Variants in MED16 observed in about 807,000 individuals in gnomAD.
The protein encoded by MED16 is mediator of RNA polymerase II transcription subunit 16.
Under a neutral mutation model 84.4 loss-of-function variants are expected in MED16, and 81 were observed. The ratio of observed to expected loss-of-function variants is 0.96; its 90% CI spans 0.80 to 1.15. The LOEUF is 1.15. Among genes scored for constraint, MED16 ranks in the 50% most tolerant of loss-of-function variants. The pLI, the probability that MED16 is intolerant of heterozygous loss-of-function variation, is 0.00. For synonymous variants in MED16, 897 were observed against 552.2 expected, an observed-to-expected ratio of 1.62 and a Z score of -8.76; for missense variants, 1,585 against 1,245.9, an observed-to-expected ratio of 1.27 and a Z score of -4.10.
intron 5 of MED16, 118 bp from the exon 6 acceptor site, chr19:885,126 C>A: frequency 1.4e-6 from 1 of 722,852 alleles, no homozygotes; most frequent in Non-Finnish European, 2.3e-6. Flanking sequence ...TCTTCAGCCA[C>A]GCCTGCCCCT....
intron 1 of MED16, among the ~76,000 whole-genome samples, chr19:891,586 C>A (rs1467815827): frequency 6.6e-6 from 1 of 150,462 alleles, no homozygotes; most frequent in Non-Finnish European, 1.5e-5. Flanking sequence ...GTAGCCGAGG[C>A]GGGGCTGAGT....
rs2036266715 is a variant in MED16, at chr19:877,153, T to C, written c.1381A>G (p.Met461Val). ...KLSVLRLSPS[M>V]GHPLEVGLAL... is the part of the protein sequence containing the mutation. Reference sequence around the variant, plus strand: ...AGCCCCACCTCCAGCGGGTGGCCCATGGAAGGTGAGAGGCGGAGCACGCTC... The same window carrying C: ...AGCCCCACCTCCAGCGGGTGGCCCACGGAAGGTGAGAGGCGGAGCACGCTC... Residue 461 changes from methionine (M) to valine (V), a missense_variant, in exon 9 of 16, where the codon ATG becomes GTG. Transcript: ENST00000325464. 4 of 1,611,518 alleles carry C rather than the reference T, an allele frequency of 2.5e-6. No homozygotes were observed. The highest frequency in any genetic ancestry group is 3.4e-6 in the Non-Finnish European group (4 of 1,179,552).
chr19:880,924 C>CA lies in MED16; in HGVS notation c.1141+634dup, dbSNP rs74707923. Among the ~76,000 whole-genome samples the CA allele has an allele frequency of 2.6e-3, 252 of 96,348 alleles. 1 individual carries two copies. The highest frequency in any genetic ancestry group is 3.7e-3 in the African/African-American group (95 of 25,700). 63.2% of individuals were successfully genotyped at this position (96,348 alleles called of 152,430 possible). ...TGGGCAACAGAATGAGACTCCAACT[C>CA]AAAAAAAAAAAGAAAAAAAAAAATA... On this transcript the variant is annotated intron_variant, in intron 7 of 15. Transcript: ENST00000325464.
chr19:874,573 G>A (rs546847164), intron 10 of MED16, among the ~76,000 whole-genome samples: 7 of 152,274 alleles, frequency 4.6e-5, no homozygotes, highest in Non-Finnish European at 1.5e-5. Context: ...GGAAGGAGGA[G>A]CAGACCTGCC....
intron 2 of MED16, 70 bp downstream of exon 2, chr19:890,893 G>A (rs1371044712): frequency 2.0e-6 from 3 of 1,526,642 alleles, no homozygotes. Context: ...AAGGCAGTGG[G>A]CCGGGCACCT....
chr19:881,629 G>T lies in MED16; in HGVS notation c.1071C>A (p.Pro357=). Residue 357 remains proline (P), a synonymous_variant, in exon 7 of 16, where the codon CCC becomes CCA. Coordinates refer to ENST00000325464, the MANE Select transcript of MED16 (RefSeq NM_005481.3). ...DLDRVSAVAL[P]KLPISLTNTD... is the part of the protein sequence containing the mutation. ...TGTTGGTGAGCGAGATGGGCAGCTT[G>T]GGCAGCGCCACGGCCGACACACGGT... is the stretch of plus-strand genomic sequence containing the variant. 1 of 1,612,780 alleles carries T rather than the reference G, an allele frequency of 6.2e-7. No homozygotes were observed.
intron 11 of MED16, chr19:872,879 G>A (rs2036116756): frequency 9.4e-6 from 8 of 848,646 alleles, no homozygotes; most frequent in Non-Finnish European, 1.2e-5. Context: ...TTGAGAATGG[G>A]CAGGAAGGGT....
intron 4 of MED16, among the ~76,000 whole-genome samples, chr19:887,492 C>A (rs1001464282): frequency 6.6e-6 from 1 of 151,742 alleles, no homozygotes; most frequent in Non-Finnish European, 1.5e-5. Context: ...ATAGTGAAAC[C>A]CCGTCTCTAC....
intron 13 of MED16, among the ~76,000 whole-genome samples, chr19:869,464 C>T (rs928250869): frequency 6.6e-6 from 1 of 152,142 alleles, no homozygotes; most frequent in Non-Finnish European, 1.5e-5. Flanking sequence ...TTATTCTGCT[C>T]TCATTAAATA....
chr19:884,097 C>CTGCCCCACG (rs930539989), intron 6 of MED16, among the ~76,000 whole-genome samples: 3 of 152,168 alleles, frequency 2.0e-5, no homozygotes, highest in African/African-American at 7.2e-5. Flanking sequence ...CCTGCCCCAC[C>CTGCCCCACG]TGCCCCACGT....
intron 4 of MED16, among the ~76,000 whole-genome samples, chr19:886,797 T>A (rs2036535704): frequency 6.6e-6 from 1 of 152,242 alleles, no homozygotes; most frequent in African/African-American, 2.4e-5. Flanking sequence ...GGGTCTTGGC[T>A]GCGCACGGTG....
Position 873,560 on chromosome 19 carries a change from G to T in MED16, c.1794C>A (p.Asn598Lys). 1 of 1,612,436 alleles carries T rather than the reference G, an allele frequency of 6.2e-7. No individual in the cohort carries two copies. The change falls in exon 11 of 16, where the codon AAC becomes AAA. Residue 598 changes from asparagine (N) to lysine (K), a missense_variant. Transcript: ENST00000325464. ...TDVDIDKVMI[N>K]LKTEEFVLDM... ...CCAGCACAAATTCCTCCGTCTTGAGGTTGATCATGACCTTGTCAATGTCTA... is the reference window on the plus strand; with the variant it reads ...CCAGCACAAATTCCTCCGTCTTGAGTTTGATCATGACCTTGTCAATGTCTA...
At position 881,587 on chromosome 19, in the gene MED16, G is replaced by A. The variant is rs2036423620; in HGVS notation, c.1113C>T (p.Ala371=). 1.9e-6 allele frequency: 3 copies of A among 1,612,496 alleles called. No individual in the cohort carries two copies. Among genetic ancestry groups the A allele is most frequent in the Non-Finnish European group, 1.7e-6 (2 of 1,179,878 alleles). Residue 371 remains alanine (A), a synonymous_variant, in exon 7 of 16, where the codon GCC becomes GCT. Coordinates refer to ENST00000325464, the MANE Select transcript of MED16 (RefSeq NM_005481.3). ...ISLTNTDLKV[A]SDTQFYPGLG... is the part of the protein sequence containing the mutation. ...GGCCAGGGTAGAACTGTGTGTCGCT[G>A]GCCACCTTGAGGTCGGTGTTGGTGA...
chr19:885,742 G>T (rs1284931521), intron 5 of MED16, 28 bp downstream of exon 5: 1 of 1,594,264 alleles, frequency 6.3e-7, no homozygotes, highest in East Asian at 2.2e-5. Context: ...AAGCCTGCCA[G>T]CCCACGTGAT....
intron 10 of MED16, 97 bp downstream of exon 10, chr19:875,147 G>T (rs949574158): frequency 1.2e-6 from 1 of 848,710 alleles, no homozygotes; most frequent in Non-Finnish European, 1.7e-6. Flanking sequence ...CTGGGCAACA[G>T]AGTAAGACCC....
chr19:893,168 T>C lies in MED16; in HGVS notation c.-101A>G, dbSNP rs968609468. On this transcript the variant is annotated 5_prime_UTR_variant, in exon 1 of 16. Transcript: ENST00000325464. The stretch of plus-strand genomic sequence containing the variant: ...CTCGGGTCTGGCGCCGCCATCTTCC[T>C]CGGTAACAACCAGTCGCCTGAGGCG... 6.6e-6 allele frequency: 1 copy of C among 152,240 alleles called. No homozygotes were observed. The allele number at this position is 152,240 out of a possible 1,614,324, so 9.4% of individuals were successfully genotyped here.
chr19:881,530 C>A, intron 7 of MED16, 29 bp downstream of exon 7: 1 of 1,594,428 alleles, frequency 6.3e-7, no homozygotes, highest in Non-Finnish European at 8.5e-7. Flanking sequence ...AACTGAGGCC[C>A]CGCGTGGCTG....
chr19:890,117 A>G lies in MED16; in HGVS notation c.277+20T>C. 1 of 1,531,210 alleles carries G rather than the reference A, an allele frequency of 6.5e-7. No individual in the cohort carries two copies. The highest frequency in any genetic ancestry group is 8.8e-7 in the Non-Finnish European group (1 of 1,134,196). 94.9% of individuals were successfully genotyped at this position (1,531,210 alleles called of 1,614,324 possible). On this transcript the variant is annotated intron_variant, in intron 3 of 15. Transcript: ENST00000325464. ...GGGATCCGGGTCGCCACCCCTGGCCACGTGGGACCAGCGCCTCACCTGACT... is the reference window on the plus strand; with the variant it reads ...GGGATCCGGGTCGCCACCCCTGGCCGCGTGGGACCAGCGCCTCACCTGACT...
chr19:891,195 C>G, intron 1 of MED16, 46 bp from the exon 2 acceptor site: 3 of 1,548,836 alleles, frequency 1.9e-6, no homozygotes, highest in Non-Finnish European at 2.6e-6. Flanking sequence ...GCTGAGCACC[C>G]AGGGCATGTG....
Sources: allele counts gnomAD v4.1 joint callset (sites outside exome capture counted in the v4.1 genomes callset), GRCh38; gene constraint gnomAD v4.1.1; transcripts MANE v1.5; gene names NCBI Gene and HGNC (gene_info 2026-07-23, HGNC 2026-07-21).